The following ZMIZ1 variants were observed in gnomAD, a reference collection of about 807,000 sequenced individuals.
ZMIZ1 encodes the protein zinc finger MIZ domain-containing protein 1.
In ZMIZ1, 17 loss-of-function variants were observed where a neutral mutation model predicts 113.9. The observed-to-expected ratio is 0.15, with a 90% CI of 0.10 to 0.22. The LOEUF (loss-of-function observed/expected upper bound fraction) is 0.22, where lower values mean the gene tolerates loss of function less well. Among genes scored for constraint, ZMIZ1 ranks in the 10% least tolerant of loss-of-function variants. The pLI, the probability that ZMIZ1 is intolerant of heterozygous loss-of-function variation, is 1.00. For missense variants in ZMIZ1, 1,059 were observed against 1,477.8 expected, an observed-to-expected ratio of 0.72 and a Z score of 4.65; for synonymous variants, 607 against 603.1, an observed-to-expected ratio of 1.01 and a Z score of -0.09.
chr10:79,180,759 A>G (rs112454863), intron 4 of ZMIZ1, among the ~76,000 whole-genome samples: 3 of 152,196 alleles, frequency 2.0e-5, no homozygotes, highest in African/African-American at 7.2e-5. Flanking sequence ...AGTGCCCACA[A>G]GAGACTTTCC....
intron 1 of ZMIZ1, among the ~76,000 whole-genome samples, chr10:79,092,767 T>C (rs1261507852): frequency 6.6e-6 from 1 of 152,196 alleles, no homozygotes; most frequent in African/African-American, 2.4e-5. Context: ...ACAAGGCATG[T>C]GCCTTTAAGT....
rs200658837 is a variant in ZMIZ1 at position 79,306,262 on chromosome 10, C to T, written c.2586C>T (p.Ile862=). ...TCATGCCCAATGTCATGGAGATGAT[C>T]GCAGCCCTGGGCCCCGGCCCGTCCC... ...QMIMPNVMEM[I]AALGPGPSPY... Residue 862 remains isoleucine (I), a synonymous_variant, in exon 22 of 25, where the codon ATC becomes ATT. Transcript: ENST00000334512. 82 of 1,614,098 alleles carry T rather than the reference C, an allele frequency of 5.1e-5. No homozygotes were observed. Among genetic ancestry groups the T allele is most frequent in the Admixed American group, 6.7e-5 (4 of 60,028 alleles).
At chr10:79,197,447 G>T (rs148646900) in intron 4 of ZMIZ1, among the ~76,000 whole-genome samples, 1 of 152,184 alleles carries the variant, frequency 6.6e-6, no homozygotes, top group African/African-American at 2.4e-5. Flanking sequence ...ACCATGGTTT[G>T]TCCCTGACCC....
At chr10:79,092,442 A>G (rs530356534) in intron 1 of ZMIZ1, among the ~76,000 whole-genome samples, 1 of 152,294 alleles carries the variant, frequency 6.6e-6, no homozygotes, top group Admixed American at 6.5e-5. Flanking sequence ...CCATAAATGG[A>G]TCCGTGCTGA....
intron 1 of ZMIZ1, among the ~76,000 whole-genome samples, chr10:79,093,901 G>T (rs376054383): frequency 2.0e-5 from 3 of 152,222 alleles, no homozygotes; most frequent in African/African-American, 7.2e-5. Flanking sequence ...AAAAGAGCCC[G>T]TTTGGGATGA....
chr10:79,235,752 G>C (rs970314419), intron 7 of ZMIZ1, among the ~76,000 whole-genome samples: 2 of 152,214 alleles, frequency 1.3e-5, no homozygotes. Flanking sequence ...CCCACACTGT[G>C]CTGGGAAAAA....
At chr10:79,141,938 T>C (rs1845290066) in intron 3 of ZMIZ1, among the ~76,000 whole-genome samples, 1 of 151,970 alleles carries the variant, frequency 6.6e-6, no homozygotes, top group African/African-American at 2.4e-5. Context: ...GTAGAGGTGA[T>C]GGGAACAGGG....
At chr10:79,096,491 G>A (rs1256769925) in intron 1 of ZMIZ1, among the ~76,000 whole-genome samples, 3 of 152,080 alleles carry the variant, frequency 2.0e-5, no homozygotes, top group East Asian at 3.9e-4. Flanking sequence ...CAGCCTGGGC[G>A]ACAGAGTGAG....
chr10:79,275,919 A>C (rs114777963), intron 7 of ZMIZ1, among the ~76,000 whole-genome samples: 5,489 of 152,370 alleles, frequency 0.036, 120 homozygotes, highest in Middle Eastern at 0.054. Flanking sequence ...CACGTTGTGC[A>C]GCATCCAGAT....
intron 1 of ZMIZ1, among the ~76,000 whole-genome samples, chr10:79,103,292 G>A (rs1218679241): frequency 8.5e-5 from 13 of 152,064 alleles, no homozygotes; most frequent in African/African-American, 3.1e-4. Flanking sequence ...CCGTGGGGAT[G>A]CCTGGGGTGG....
At chr10:79,308,373 C>T (rs1022996049) in intron 23 of ZMIZ1, among the ~76,000 whole-genome samples, 1 of 152,204 alleles carries the variant, frequency 6.6e-6, no homozygotes, top group African/African-American at 2.4e-5. Flanking sequence ...ACTGAAGCCT[C>T]CGGAGGCTGA....
chr10:79,279,965 G>T (rs113532388), intron 8 of ZMIZ1, among the ~76,000 whole-genome samples: 1 of 151,644 alleles, frequency 6.6e-6, no homozygotes, highest in Non-Finnish European at 1.5e-5. Flanking sequence ...AAAGGGGAGA[G>T]GGGGAGGGAG....
chr10:79,106,311 G>T (rs1001582991), intron 1 of ZMIZ1, among the ~76,000 whole-genome samples: 1 of 152,246 alleles, frequency 6.6e-6, no homozygotes, highest in Non-Finnish European at 1.5e-5. Context: ...GACATCAAGT[G>T]CTGTAGGTTT....
In ZMIZ1 at chr10:79,139,631, G is replaced by A. The variant is rs551631225; in HGVS notation, c.-226-51G>A. The A allele has an allele frequency of 2.6e-4, 104 of 398,128 alleles. 1 individual carries two copies. The South Asian group carries it at 0.01, about 39-fold the overall frequency. The allele number at this position is 398,128 out of a possible 1,614,324, so 24.7% of individuals were successfully genotyped here. A position where few individuals can be genotyped will look rare whatever the true frequency, so the allele number is the denominator to read the frequency against. On this transcript the variant is annotated intron_variant, in intron 2 of 24. Coordinates refer to ENST00000334512, the MANE Select transcript of ZMIZ1 (RefSeq NM_020338.4). Reference sequence around the variant, plus strand: ...GGACAGAGGTGGGAGGGGAGTGGACGGCACACCGGCCTGCTCTCACACACG... The same window carrying A: ...GGACAGAGGTGGGAGGGGAGTGGACAGCACACCGGCCTGCTCTCACACACG...
At chr10:79,243,767 C>T (rs1237555110) in intron 7 of ZMIZ1, 5 of 237,864 alleles carry the variant, frequency 2.1e-5, no homozygotes, top group Non-Finnish European at 3.5e-5. Flanking sequence ...GGGTCGGCGC[C>T]TGGGCGCCCA....
intron 3 of ZMIZ1, among the ~76,000 whole-genome samples, chr10:79,156,893 C>G (rs11814519): frequency 1.1e-3 from 165 of 152,326 alleles, no homozygotes; most frequent in African/African-American, 3.7e-3. Context: ...TCTGCTGTGC[C>G]TGGAATGAGG....
At chr10:79,211,014 T>C (rs932683204) in intron 6 of ZMIZ1, among the ~76,000 whole-genome samples, 2 of 152,132 alleles carry the variant, frequency 1.3e-5, no homozygotes, top group African/African-American at 4.8e-5. Context: ...CCTAGTGGAA[T>C]GGCCCCCACT....
At chr10:79,307,379 C>T (rs946020477) in intron 22 of ZMIZ1, 26 bp from the exon 23 acceptor site, 1 of 1,600,528 alleles carries the variant, frequency 6.2e-7, no homozygotes, top group Non-Finnish European at 8.5e-7. Flanking sequence ...GTGACCCCCT[C>T]CCCTCCCCAT....
At chr10:79,202,452 A>G (rs935398846) in intron 5 of ZMIZ1, among the ~76,000 whole-genome samples, 5 of 152,040 alleles carry the variant, frequency 3.3e-5, no homozygotes, top group Non-Finnish European at 7.4e-5. Flanking sequence ...TTTTAAAAAA[A>G]GAAAAAAAAA....
Sources: gnomAD v4.1 joint callset for allele counts (sites outside exome capture counted in the v4.1 genomes callset) on GRCh38, gnomAD v4.1.1 for gene constraint, MANE v1.5 for transcripts, NCBI Gene and HGNC (gene_info 2026-07-23, HGNC 2026-07-21) for gene names.